MIA3: variants seen among roughly 807,000 people sequenced by gnomAD.
The protein encoded by MIA3 is transport and Golgi organization protein 1 homolog.
MIA3 carries 90 observed loss-of-function variants against 192.4 expected under a neutral mutation model. That is an observed-to-expected ratio of 0.47 (90% CI 0.39 to 0.56). The LOEUF is 0.56. MIA3 is among the 20% of genes least tolerant of loss of function. MIA3 has a pLI of 0.00. For synonymous variants in MIA3, 740 were observed against 792.8 expected, an observed-to-expected ratio of 0.93 and a Z score of 1.12; for missense variants, 2,123 against 2,269.4, an observed-to-expected ratio of 0.94 and a Z score of 1.31.
In MIA3 at chr1:222,659,676, T is replaced by C. The variant is rs755159345; in HGVS notation, c.4806+19T>C. ...AAACTGGGTAAGATTTCTTTTTTTC[T>C]TTCCCTTATTTTGTGCATAGTCTCC... On this transcript the variant is annotated intron_variant, in intron 21 of 27. Coordinates refer to ENST00000344922, the MANE Select transcript of MIA3 (RefSeq NM_198551.4). 1.2e-6 allele frequency: 2 copies of C among 1,613,800 alleles called. No homozygotes were observed. Among genetic ancestry groups the C allele is most frequent in the East Asian group, 2.2e-5 (1 of 44,874 alleles).
Position 222,654,625 on chromosome 1 carries a change from T to A in MIA3, c.4469-30T>A. 1.9e-6 allele frequency: 3 copies of A among 1,611,012 alleles called. No homozygotes were observed. The South Asian group carries it at 3.3e-5, about 18-fold the overall frequency. ...AAGTTCTCAAGTTCTTGTGCACACA[T>A]ATGGAACTCAAATGTTTTATCCTTT... On this transcript the variant is annotated intron_variant, in intron 17 of 27. Coordinates refer to ENST00000344922, the MANE Select transcript of MIA3 (RefSeq NM_198551.4).
At chr1:222,618,372 C>CG in intron 1 of MIA3, 129 bp downstream of exon 1, 2 of 993,934 alleles carry the variant, frequency 2.0e-6, no homozygotes, top group African/African-American at 1.7e-5. Context: ...CTGGCCGGCC[C>CG]GGGGGTCGCA....
chr1:222,656,798 A>G (rs983604502), intron 18 of MIA3, among the ~76,000 whole-genome samples: 3 of 152,156 alleles, frequency 2.0e-5, no homozygotes, highest in Non-Finnish European at 4.4e-5. Flanking sequence ...CTTCTGACCT[A>G]TCTTCCAATG....
chr1:222,635,749 T>A (rs1662595877), intron 6 of MIA3, among the ~76,000 whole-genome samples: 1 of 152,172 alleles, frequency 6.6e-6, no homozygotes, highest in Non-Finnish European at 1.5e-5. Flanking sequence ...GTTAGTGGAA[T>A]CTTAGGGTTG....
Position 222,627,748 on chromosome 1 carries a change from A to G in MIA3, c.528A>G (p.Glu176=), listed in dbSNP as rs373496295. Residue 176 remains glutamate, a synonymous_variant, in exon 4 of 28, where the codon GAA becomes GAG. Transcript: ENST00000344922. ...EKNPELSKER[E]PEPEPVEANS... ...ACCCTGAATTATCTAAGGAAAGGGA[A>G]CCTGAACCTGAACCAGTAGAAGCCA... 6.2e-7 allele frequency: 1 copy of G among 1,612,352 alleles called. No homozygotes were observed. Among genetic ancestry groups the G allele is most frequent in the Non-Finnish European group, 8.5e-7 (1 of 1,179,626 alleles).
chr1:222,621,835 G>T (rs1661875859), intron 2 of MIA3, among the ~76,000 whole-genome samples: 1 of 149,918 alleles, frequency 6.7e-6, no homozygotes, highest in Non-Finnish European at 1.5e-5. Flanking sequence ...TTGAGGCGGA[G>T]TCTTGCTCTG....
Position 222,629,060 on chromosome 1 carries a change from C to G in MIA3, c.1840C>G (p.Gln614Glu), listed in dbSNP as rs1662265550. ...ACTGCACACGCTTTCAGTGGAGCAT[C>G]AACGTGAGGAATTGAAAGAGGAATT... is the stretch of plus-strand genomic sequence containing the variant. ...AKLHTLSVEH[Q>E]REELKEELVL... The change falls in exon 4 of 28, where the codon CAA becomes GAA. Residue 614 changes from glutamine to glutamate, a missense_variant. Physicochemically the swap from Gln to Glu is conservative, Grantham distance 29. Transcript: ENST00000344922. 1 of 1,614,160 alleles carries G rather than the reference C, an allele frequency of 6.2e-7. No homozygotes were observed. The highest frequency in any genetic ancestry group is 8.5e-7 in the Non-Finnish European group (1 of 1,180,034).
intron 1 of MIA3, among the ~76,000 whole-genome samples, chr1:222,618,704 G>A (rs1159824623): frequency 6.6e-6 from 1 of 152,064 alleles, no homozygotes; most frequent in Non-Finnish European, 1.5e-5. Context: ...CTCGGTGGGT[G>A]CATCACCCCG....
intron 11 of MIA3, among the ~76,000 whole-genome samples, chr1:222,651,690 GT>G: frequency 6.6e-6 from 1 of 151,494 alleles, no homozygotes; most frequent in Middle Eastern, 3.4e-3. Flanking sequence ...TTACTTAAAA[GT>G]TTTTTCAGTT....
At position 222,665,590 on chromosome 1, in the gene MIA3, T is replaced by C; in HGVS notation, c.5695T>C (p.Cys1899Arg). 2 of 1,604,458 alleles carry C rather than the reference T, an allele frequency of 1.2e-6. No individual in the cohort carries two copies. The highest frequency in any genetic ancestry group is 1.1e-5 in the South Asian group (1 of 89,774). ...TGCCTCTCAGAGCACTAGCCAGGAC[T>C]GTTCACAGGCTTTAAAACAGAGCCC... ...PPASQSTSQD[C>R]SQALKQSP is the part of the protein sequence containing the mutation. The change falls in exon 28 of 28, where the codon TGT becomes CGT. Residue 1899 changes from cysteine (C) to arginine (R), a missense_variant. By Grantham distance (180) the Cys-to-Arg change is radical. Around this residue, in one of 3 missense-constraint regions of MIA3, gnomAD observed 762 missense variants for 856.4 expected, o/e 0.89. Transcript: ENST00000344922.
At chr1:222,657,793 A>G (rs1452959863) in intron 18 of MIA3, among the ~76,000 whole-genome samples, 1 of 152,242 alleles carries the variant, frequency 6.6e-6, no homozygotes, top group Non-Finnish European at 1.5e-5. Context: ...AATTAGTATA[A>G]CCACTCATAA....
chr1:222,623,475 A>T (rs1661971104), intron 2 of MIA3, among the ~76,000 whole-genome samples: 1 of 151,812 alleles, frequency 6.6e-6, no homozygotes, highest in Non-Finnish European at 1.5e-5. Flanking sequence ...GAAATTAAAA[A>T]CTCTGTCTTC....
intron 19 of MIA3, 105 bp downstream of exon 19, chr1:222,658,928 C>A (rs1663869604): frequency 3.7e-5 from 24 of 648,002 alleles, no homozygotes; most frequent in Admixed American, 6.2e-5. Flanking sequence ...ATGAATACAT[C>A]AATTCACACA....
Position 222,629,955 on chromosome 1 carries a change from T to C in MIA3, c.2735T>C (p.Val912Ala). The C allele has an allele frequency of 6.2e-7, 1 of 1,614,132 alleles. No individual in the cohort carries two copies. The highest frequency in any genetic ancestry group is 1.1e-5 in the South Asian group (1 of 91,084). The part of the protein sequence containing the change: ...DSFHWTPHTS[V>A]EPGHSDKRED... ...TTCCACTGGACTCCACATACAAGTG[T>C]AGAGCCAGGGCATAGTGACAAGAGG... is the stretch of plus-strand genomic sequence containing the variant. Residue 912 changes from valine to alanine, a missense_variant, in exon 4 of 28, where the codon GTA (valine) becomes GCA (alanine). By Grantham distance (64) the Val-to-Ala change is moderately conservative. Coordinates refer to ENST00000344922, the MANE Select transcript of MIA3 (RefSeq NM_198551.4).
chr1:222,628,316 C>G lies in MIA3; in HGVS notation c.1096C>G (p.Leu366Val). 1 of 1,613,770 alleles carries G rather than the reference C, an allele frequency of 6.2e-7. No individual in the cohort carries two copies. Among genetic ancestry groups the G allele is most frequent in the South Asian group, 1.1e-5 (1 of 90,988 alleles). Residue 366 changes from leucine to valine, a missense_variant, in exon 4 of 28, where the codon CTA becomes GTA. Around this residue, in one of 3 missense-constraint regions of MIA3, gnomAD observed 1,357 missense variants for 1,396.1 expected, o/e 0.97. Coordinates refer to ENST00000344922, the MANE Select transcript of MIA3 (RefSeq NM_198551.4). ...TTCAAATGAAGAGGACAAGGTTCAG[C>G]TAACTGTGCCCCCTGGCATCAAAAA... ...QNSNEEDKVQ[L>V]TVPPGIKNDD...
chr1:222,630,696 A>G (rs1662359117), intron 4 of MIA3, among the ~76,000 whole-genome samples: 1 of 152,262 alleles, frequency 6.6e-6, no homozygotes, highest in African/African-American at 2.4e-5. Context: ...ATGTAAAATT[A>G]TGAAAGGGTT....
Position 222,618,213 on chromosome 1 carries a change from C to A in MIA3, c.103C>A (p.His35Asn). The A allele has an allele frequency of 6.7e-7, 1 of 1,490,026 alleles. No individual in the cohort carries two copies. 92.3% of individuals were successfully genotyped at this position (1,490,026 alleles called of 1,614,324 possible). The change falls in exon 1 of 28, where the codon CAC becomes AAC. Residue 35 changes from histidine to asparagine, a missense_variant. His to Asn is a moderately conservative substitution (Grantham distance 68). This residue lies in a region of MIA3 where 1,357 missense variants were observed against 1,396.1 expected (regional missense o/e 0.97). Transcript: ENST00000344922. ...DPSTGRRFSEHKLCADDECSM... is the reference protein window; with the variant it reads ...DPSTGRRFSENKLCADDECSM... ...CAGCACTGGCCGGCGGTTCTCGGAG[C>A]ACAAACTCTGCGCGGACGACGAATG...
chr1:222,632,370 A>G, intron 5 of MIA3, 44 bp downstream of exon 5: 1 of 1,542,444 alleles, frequency 6.5e-7, no homozygotes, highest in Non-Finnish European at 8.9e-7. Flanking sequence ...GAAATCATAA[A>G]GAAGGCCTTC....
Position 222,621,173 on chromosome 1 carries a change from G to A in MIA3, c.148G>A (p.Gly50Ser), listed in dbSNP as rs752029567. 10 of 1,612,526 alleles carry A rather than the reference G, an allele frequency of 6.2e-6. No homozygotes were observed. Among genetic ancestry groups the A allele is most frequent in the East Asian group, 2.2e-5 (1 of 44,874 alleles). The part of the protein sequence containing the change: ...DDECSMLMYR[G>S]EALEDFTGPD... ...TTTATATACAGTGTTAATGTACCGC[G>A]GTGAGGCTCTTGAAGATTTCACAGG... is the stretch of plus-strand genomic sequence containing the variant. The change falls in exon 2 of 28, where the codon GGT becomes AGT. Residue 50 changes from glycine to serine, a missense_variant. By Grantham distance (56) the Gly-to-Ser change is moderately conservative. Around this residue, in one of 3 missense-constraint regions of MIA3, gnomAD observed 1,357 missense variants for 1,396.1 expected, o/e 0.97. Transcript: ENST00000344922.
Sources: allele counts gnomAD v4.1 joint callset (sites outside exome capture counted in the v4.1 genomes callset), GRCh38; gene constraint gnomAD v4.1.1; regional missense constraint gnomAD v4.1.1; transcripts MANE v1.5; gene names NCBI Gene and HGNC (gene_info 2026-07-23, HGNC 2026-07-21).